SEMA6D: variants seen among roughly 807,000 people sequenced by gnomAD.
The protein encoded by SEMA6D is semaphorin 6D, also known as semaphorin-6D.
SEMA6D carries 35 observed loss-of-function variants against 106.6 expected under a neutral mutation model. The observed-to-expected ratio is 0.33, with a 90% CI of 0.25 to 0.44. The LOEUF is 0.44. Among genes scored for constraint, SEMA6D ranks in the 20% least tolerant of loss-of-function variants. The pLI, the probability that SEMA6D is intolerant of heterozygous loss-of-function variation, is 1.00. For synonymous variants in SEMA6D, 499 were observed against 487.7 expected (o/e 1.02, Z -0.31); for missense variants, 1,185 against 1,345.9 (o/e 0.88, Z 1.87).
At chr15:47,514,946 A>G (rs536318904) in intron 3 of SEMA6D, among the ~76,000 whole-genome samples, 2 of 152,178 alleles carry the variant, frequency 1.3e-5, no homozygotes, top group Non-Finnish European at 2.9e-5. Flanking sequence ...TAATTTATAT[A>G]TACTTGAAAG....
chr15:47,737,036 A>G (rs1315447626), intron 1 of SEMA6D, among the ~76,000 whole-genome samples: 1 of 152,188 alleles, frequency 6.6e-6, no homozygotes, highest in East Asian at 1.9e-4. Context: ...TTATTTTAGC[A>G]CTTTATATTT....
intron 1 of SEMA6D, among the ~76,000 whole-genome samples, chr15:47,344,807 A>C (rs1056779609): frequency 6.6e-6 from 1 of 152,240 alleles, no homozygotes; most frequent in Non-Finnish European, 1.5e-5. Flanking sequence ...ATCTATGTAG[A>C]AAATCTAGTG....
At chr15:47,185,380 A>G (rs568183189) in intron 1 of SEMA6D, among the ~76,000 whole-genome samples, 1 of 152,128 alleles carries the variant, frequency 6.6e-6, no homozygotes, top group Non-Finnish European at 1.5e-5. Context: ...TATTTCCCCC[A>G]TTGAAATTGT....
chr15:47,380,224 A>C (rs77790413), intron 1 of SEMA6D, among the ~76,000 whole-genome samples: 4,537 of 152,324 alleles, frequency 0.03, 120 homozygotes, highest in East Asian at 0.082. Flanking sequence ...ACCTATAAAC[A>C]TACACCCGAT....
At chr15:47,761,483 C>A in intron 6 of SEMA6D, 52 bp downstream of exon 6, 1 of 1,428,832 alleles carries the variant, frequency 7.0e-7, no homozygotes, top group Non-Finnish European at 9.7e-7. Context: ...TCTCCCTTCA[C>A]TGATATGCTG....
intron 2 of SEMA6D, among the ~76,000 whole-genome samples, chr15:47,466,781 T>C (rs929664810): frequency 1.3e-5 from 2 of 151,372 alleles, no homozygotes; most frequent in African/African-American, 2.4e-5. Context: ...CTCACCAGCT[T>C]AGAGGAGTGA....
intron 3 of SEMA6D, among the ~76,000 whole-genome samples, chr15:47,576,924 A>G (rs1202919927): frequency 1.3e-5 from 2 of 152,134 alleles, no homozygotes; most frequent in Non-Finnish European, 2.9e-5. Context: ...ATATATGCAT[A>G]TATGTTTGTG....
chr15:47,750,663 A>G (rs553121525), intron 1 of SEMA6D, among the ~76,000 whole-genome samples: 1 of 152,288 alleles, frequency 6.6e-6, no homozygotes, highest in East Asian at 1.9e-4. Context: ...TTTCCTCCAC[A>G]TGCCATGGGG....
chr15:47,257,450 C>G (rs2033868413), intron 1 of SEMA6D, among the ~76,000 whole-genome samples: 1 of 152,204 alleles, frequency 6.6e-6, no homozygotes, highest in Non-Finnish European at 1.5e-5. Context: ...CAGTTTCCCT[C>G]TCAGCACTGC....
In SEMA6D at chr15:47,619,750, C is replaced by G. The variant is rs74014031; in HGVS notation, c.-55+18854C>G. 8.8e-3 allele frequency among the ~76,000 whole-genome samples: 1,340 copies of G among 152,074 alleles called. 25 individuals are homozygous for G. The highest frequency in any genetic ancestry group is 0.031 in the African/African-American group (1,300 of 41,452). On this transcript the variant is annotated intron_variant, in intron 4 of 19. Transcript: ENST00000558014. The stretch of plus-strand genomic sequence containing the variant: ...GCTCTTTAGTGTGAATTTGAGGCAC[C>G]AAAATGAAATGAAATTACTTTTAAA...
At chr15:47,566,654 G>A (rs1241723964) in intron 3 of SEMA6D, among the ~76,000 whole-genome samples, 5 of 152,208 alleles carry the variant, frequency 3.3e-5, no homozygotes, top group African/African-American at 1.2e-4. Flanking sequence ...AATCTGGACT[G>A]TACCACTTAC....
At chr15:47,552,817 A>AATATATATAAAT (rs2045754301) in intron 3 of SEMA6D, among the ~76,000 whole-genome samples, 2 of 13,492 alleles carry the variant, frequency 1.5e-4, no homozygotes, top group African/African-American at 3.1e-4. Context: ...AATATATATA[A>AATATATATAAAT]ATATATATAT....
chr15:47,557,296 A>G (rs1379017533), intron 3 of SEMA6D, among the ~76,000 whole-genome samples: 3 of 152,288 alleles, frequency 2.0e-5, no homozygotes, highest in Non-Finnish European at 4.4e-5. Context: ...ACCTGGTTAA[A>G]ATGAAAACAT....
At chr15:47,252,072 C>A (rs1255791015) in intron 1 of SEMA6D, among the ~76,000 whole-genome samples, 2 of 149,506 alleles carry the variant, frequency 1.3e-5, no homozygotes, top group Non-Finnish European at 3.0e-5. Flanking sequence ...CCCGCTACCA[C>A]GCCCGGCTAA....
chr15:47,762,035 A>C (rs757505240), intron 7 of SEMA6D, among the ~76,000 whole-genome samples, 165 bp from the exon 8 acceptor site: 22 of 152,204 alleles, frequency 1.4e-4, no homozygotes, highest in Non-Finnish European at 4.4e-5. Flanking sequence ...AGATAATATC[A>C]TGGCTGACCT....
At chr15:47,427,755 A>T (rs2041387970) in intron 2 of SEMA6D, among the ~76,000 whole-genome samples, 1 of 152,116 alleles carries the variant, frequency 6.6e-6, no homozygotes, top group Non-Finnish European at 1.5e-5. Context: ...TAATCCATGA[A>T]GCACTCTCAT....
intron 2 of SEMA6D, among the ~76,000 whole-genome samples, chr15:47,414,068 G>A (rs1169367631): frequency 1.3e-5 from 2 of 152,108 alleles, no homozygotes; most frequent in Non-Finnish European, 2.9e-5. Context: ...TCTATTTATG[G>A]AACAATGGAA....
chr15:47,437,016 G>T (rs982707198), intron 2 of SEMA6D, among the ~76,000 whole-genome samples: 27 of 104,844 alleles, frequency 2.6e-4, no homozygotes, highest in African/African-American at 9.4e-4. Flanking sequence ...GGAAAGAAAA[G>T]AAAGAAAGAG....
intron 1 of SEMA6D, among the ~76,000 whole-genome samples, chr15:47,328,252 G>A (rs2037209278): frequency 6.6e-6 from 1 of 152,224 alleles, no homozygotes; most frequent in African/African-American, 2.4e-5. Flanking sequence ...AGCTAGCAAG[G>A]GTATGTGGGC....
Sources: gnomAD v4.1 joint callset for allele counts (sites outside exome capture counted in the v4.1 genomes callset) on GRCh38, gnomAD v4.1.1 for gene constraint, MANE v1.5 for transcripts, NCBI Gene and HGNC (gene_info 2026-07-23, HGNC 2026-07-21) for gene names.